Variants in ROBO2 observed in about 807,000 individuals in gnomAD.
ROBO2 encodes the protein roundabout guidance receptor 2, also known as roundabout homolog 2.
Under a neutral mutation model 160.8 loss-of-function variants are expected in ROBO2, and 53 were observed. That is an observed-to-expected ratio of 0.33 (90% CI 0.26 to 0.41). The LOEUF (loss-of-function observed/expected upper bound fraction) is 0.41. Among genes scored for constraint, ROBO2 ranks in the 10% least tolerant of loss-of-function variants. The probability of loss-of-function intolerance (pLI) is 1.00; values close to 1 mark genes in which losing one functional copy is unlikely to be tolerated. For missense variants in ROBO2, 1,577 were observed against 1,722.4 expected, an observed-to-expected ratio of 0.92 and a Z score of 1.49; for synonymous variants, 664 against 611.7, an observed-to-expected ratio of 1.09 and a Z score of -1.26.
At chr3:76,698,243 C>T (rs914810976) in intron 2 of ROBO2, among the ~76,000 whole-genome samples, 13 of 152,102 alleles carry the variant, frequency 8.5e-5, no homozygotes, top group South Asian at 4.1e-4. Flanking sequence ...CATTCCTGGG[C>T]GATGGGCTGA....
intron 1 of ROBO2, among the ~76,000 whole-genome samples, chr3:75,911,420 A>G (rs1484258115): frequency 1.3e-5 from 2 of 152,134 alleles, no homozygotes; most frequent in African/African-American, 2.4e-5. Flanking sequence ...TTCTTTGTTA[A>G]TGATTTGCTT....
chr3:77,577,110 T>C (rs1039173832), intron 14 of ROBO2, among the ~76,000 whole-genome samples: 6 of 152,082 alleles, frequency 3.9e-5, no homozygotes, highest in Non-Finnish European at 7.4e-5. Context: ...CTCTTTGACT[T>C]TCCTAAGTCT....
chr3:77,137,656 G>A (rs942104966), intron 2 of ROBO2, among the ~76,000 whole-genome samples: 7 of 152,200 alleles, frequency 4.6e-5, no homozygotes, highest in African/African-American at 1.7e-4. Flanking sequence ...TGATTTCGAG[G>A]GACATCCTCC....
At chr3:77,649,757 G>T (rs2153727016) in exon 26 of ROBO2, 1 of 152,096 alleles carries the variant, frequency 6.6e-6, no homozygotes, top group East Asian at 1.9e-4. Context: ...TTGTGGCCGT[G>T]GGTAGACTTT....
intron 2 of ROBO2, among the ~76,000 whole-genome samples, chr3:76,542,591 C>T (rs2082879360): frequency 6.6e-6 from 1 of 152,118 alleles, no homozygotes; most frequent in Admixed American, 6.5e-5. Flanking sequence ...GAGTTCAAGT[C>T]TTCATTTTTT....
At chr3:76,721,292 C>G (rs1212739973) in intron 2 of ROBO2, among the ~76,000 whole-genome samples, 2 of 152,118 alleles carry the variant, frequency 1.3e-5, no homozygotes, top group Non-Finnish European at 2.9e-5. Flanking sequence ...ATTACCTGAG[C>G]TTCTGTGATA....
intron 2 of ROBO2, among the ~76,000 whole-genome samples, chr3:76,450,357 A>G (rs1419411443): frequency 1.3e-5 from 2 of 152,162 alleles, no homozygotes; most frequent in African/African-American, 4.8e-5. Flanking sequence ...TGTATAACTA[A>G]TTTTCAGTCA....
intron 2 of ROBO2, among the ~76,000 whole-genome samples, chr3:76,176,602 T>C (rs112488338): frequency 9.7e-4 from 147 of 152,268 alleles, no homozygotes; most frequent in Middle Eastern, 3.4e-3. Context: ...GTCTAAACAA[T>C]GGATCTGTTA....
At chr3:77,396,619 T>G (rs1166770771) in intron 2 of ROBO2, among the ~76,000 whole-genome samples, 2 of 152,170 alleles carry the variant, frequency 1.3e-5, no homozygotes, top group African/African-American at 4.8e-5. Context: ...CAATGCTAAA[T>G]ATCTTCTAGA....
rs191904936 is a variant in ROBO2, at chr3:77,530,527, A to G, written c.934+7625A>G. Among the ~76,000 whole-genome samples the G allele has an allele frequency of 3.4e-3, 523 of 152,150 alleles. 6 individuals carry two copies. Among genetic ancestry groups the G allele is most frequent in the African/African-American group, 0.012 (502 of 41,540 alleles). Reference sequence around the variant, plus strand: ...GTATTCAGAGTTTTCCTCTAGGTGAACTTAGAGGATGCTCTAGTGTGGGAG... The same window carrying G: ...GTATTCAGAGTTTTCCTCTAGGTGAGCTTAGAGGATGCTCTAGTGTGGGAG... On this transcript the variant is annotated intron_variant, in intron 6 of 25. Coordinates refer to ENST00000461745, the Ensembl canonical transcript of ROBO2.
intron 2 of ROBO2, among the ~76,000 whole-genome samples, chr3:76,183,437 C>A (rs1355381381): frequency 1.3e-5 from 2 of 152,102 alleles, no homozygotes; most frequent in Non-Finnish European, 1.5e-5. Flanking sequence ...TCTAGCACTG[C>A]CCAACTGTCT....
intron 2 of ROBO2, among the ~76,000 whole-genome samples, chr3:76,334,546 G>A (rs2073733691): frequency 6.6e-6 from 1 of 152,134 alleles, no homozygotes; most frequent in South Asian, 2.1e-4. Context: ...TGATCTACAA[G>A]CAGCTTGGCT....
At chr3:76,742,988 A>G (rs1390080314) in intron 2 of ROBO2, among the ~76,000 whole-genome samples, 6 of 152,160 alleles carry the variant, frequency 3.9e-5, no homozygotes, top group Non-Finnish European at 7.3e-5. Context: ...TTCAATTGGC[A>G]TGGTCTTTTA....
At chr3:77,205,035 G>A (rs947319853) in intron 2 of ROBO2, among the ~76,000 whole-genome samples, 1 of 152,188 alleles carries the variant, frequency 6.6e-6, no homozygotes, top group Non-Finnish European at 1.5e-5. Context: ...CTGCAGCCCC[G>A]TGGTAGGTAG....
chr3:77,362,642 C>T (rs185180777), intron 2 of ROBO2, among the ~76,000 whole-genome samples: 16 of 152,124 alleles, frequency 1.1e-4, no homozygotes, highest in Admixed American at 9.2e-4. Flanking sequence ...AAAACTAAAG[C>T]CCCAGTGGGA....
At chr3:76,889,974 C>T (rs1267267182) in intron 2 of ROBO2, among the ~76,000 whole-genome samples, 4 of 151,930 alleles carry the variant, frequency 2.6e-5, no homozygotes, top group African/African-American at 7.3e-5. Context: ...GAAGTGAGAG[C>T]GATGTAGGAG....
At chr3:76,014,884 C>T (rs891442057) in intron 2 of ROBO2, among the ~76,000 whole-genome samples, 3 of 152,112 alleles carry the variant, frequency 2.0e-5, no homozygotes, top group African/African-American at 4.8e-5. Context: ...GCTGTGATCG[C>T]GCTACTGCAC....
intron 12 of ROBO2, among the ~76,000 whole-genome samples, chr3:77,565,613 C>T (rs1308537777): frequency 6.6e-6 from 1 of 152,014 alleles, no homozygotes; most frequent in African/African-American, 2.4e-5. Flanking sequence ...CAAATTCAAA[C>T]GCTCTGAGGT....
intron 2 of ROBO2, among the ~76,000 whole-genome samples, chr3:76,539,984 C>T (rs1366523057): frequency 6.6e-6 from 1 of 152,156 alleles, no homozygotes; most frequent in Non-Finnish European, 1.5e-5. Context: ...GCTAACCTTG[C>T]ATTTTAGCCA....
Sources: allele counts gnomAD v4.1 joint callset (sites outside exome capture counted in the v4.1 genomes callset), GRCh38; gene constraint gnomAD v4.1.1; transcripts MANE v1.5; gene names NCBI Gene and HGNC (gene_info 2026-07-23, HGNC 2026-07-21).